CNTN5: variants seen among roughly 807,000 people sequenced by gnomAD.
CNTN5 encodes contactin 5.
Under a neutral mutation model 129.1 loss-of-function variants are expected in CNTN5, and 77 were observed. The observed-to-expected ratio is 0.60, with a 90% CI of 0.50 to 0.72. The LOEUF (loss-of-function observed/expected upper bound fraction) is 0.72. Ranked by LOEUF, CNTN5 falls within the 30% of genes least tolerant of loss-of-function variation. CNTN5 has a pLI of 0.00. For synonymous variants in CNTN5, 509 were observed against 465.6 expected (o/e 1.09, Z -1.20); for missense variants, 1,478 against 1,328.8 (o/e 1.11, Z -1.75).
At chr11:100,026,866 A>G (rs1941448536) in intron 9 of CNTN5, among the ~76,000 whole-genome samples, 1 of 152,046 alleles carries the variant, frequency 6.6e-6, no homozygotes, top group Non-Finnish European at 1.5e-5. Context: ...CGAAGCATAA[A>G]ATTTTAATTT....
intron 3 of CNTN5, among the ~76,000 whole-genome samples, chr11:99,743,502 A>G (rs544410851): frequency 6.6e-6 from 1 of 152,256 alleles, no homozygotes; most frequent in South Asian, 2.1e-4. Flanking sequence ...CCTGAATCTC[A>G]GTTTCTTTAC....
intron 3 of CNTN5, among the ~76,000 whole-genome samples, chr11:99,612,928 C>G (rs1591361164): frequency 6.6e-6 from 1 of 152,126 alleles, no homozygotes; most frequent in South Asian, 2.1e-4. Context: ...ACTGAGAGCA[C>G]TGGACCCAGA....
intron 3 of CNTN5, among the ~76,000 whole-genome samples, chr11:99,646,809 TAAA>T (rs5794011): frequency 9.1e-5 from 12 of 131,778 alleles, no homozygotes; most frequent in Middle Eastern, 3.9e-3. Context: ...TGTCAATTCT[TAAA>T]AAAAAAAAAA....
chr11:99,097,468 T>A (rs1866526268), intron 1 of CNTN5, among the ~76,000 whole-genome samples: 1 of 151,990 alleles, frequency 6.6e-6, no homozygotes. Flanking sequence ...CCATAAGGAT[T>A]TTTTTCTGTG....
At chr11:100,077,593 C>T (rs966329109) in intron 13 of CNTN5, among the ~76,000 whole-genome samples, 2 of 151,752 alleles carry the variant, frequency 1.3e-5, no homozygotes, top group South Asian at 2.1e-4. Flanking sequence ...GGCCAAGATG[C>T]GAGGATCACT....
At chr11:99,237,906 A>C in intron 1 of CNTN5, among the ~76,000 whole-genome samples, 1 of 152,308 alleles carries the variant, frequency 6.6e-6, no homozygotes, top group East Asian at 1.9e-4. Flanking sequence ...GGAAAAAGTC[A>C]ATGAAAATGA....
At chr11:100,293,692 G>C (rs138489986) in intron 18 of CNTN5, among the ~76,000 whole-genome samples, 1 of 151,826 alleles carries the variant, frequency 6.6e-6, no homozygotes, top group Non-Finnish European at 1.5e-5. Context: ...CAAGCAATTA[G>C]AGGGGTAGAA....
chr11:99,421,869 T>C, intron 2 of CNTN5, among the ~76,000 whole-genome samples: 1 of 152,194 alleles, frequency 6.6e-6, no homozygotes, highest in Non-Finnish European at 1.5e-5. Flanking sequence ...AAAATAGCTG[T>C]CTTACAAATC....
At chr11:99,725,087 G>A (rs770906660) in intron 3 of CNTN5, among the ~76,000 whole-genome samples, 1 of 152,142 alleles carries the variant, frequency 6.6e-6, no homozygotes, top group Non-Finnish European at 1.5e-5. Context: ...AAATACATCT[G>A]AATTTTCTAG....
intron 2 of CNTN5, among the ~76,000 whole-genome samples, chr11:99,517,431 T>C (rs1776042603): frequency 2.0e-5 from 3 of 152,056 alleles, no homozygotes; most frequent in South Asian, 2.1e-4. Flanking sequence ...CCATTTTTCA[T>C]AGGATGTACT....
At chr11:99,968,711 C>G (rs1477004789) in intron 8 of CNTN5, among the ~76,000 whole-genome samples, 1 of 119,432 alleles carries the variant, frequency 8.4e-6, no homozygotes, top group Non-Finnish European at 1.6e-5. Flanking sequence ...AGTGCTGCTC[C>G]TCGGGTACTG....
At chr11:99,860,847 A>C (rs1278276555) in intron 6 of CNTN5, among the ~76,000 whole-genome samples, 1 of 151,984 alleles carries the variant, frequency 6.6e-6, no homozygotes, top group Admixed American at 6.6e-5. Context: ...AAATGATACC[A>C]ATAGTTTGAT....
intron 3 of CNTN5, among the ~76,000 whole-genome samples, chr11:99,813,683 C>A (rs1946497291): frequency 6.6e-6 from 1 of 151,546 alleles, no homozygotes; most frequent in Non-Finnish European, 1.5e-5. Context: ...ATTGAGGAGA[C>A]AAAGAACTAG....
At chr11:99,839,739 G>A (rs972650027) in intron 4 of CNTN5, among the ~76,000 whole-genome samples, 2 of 152,020 alleles carry the variant, frequency 1.3e-5, no homozygotes, top group African/African-American at 2.4e-5. Context: ...GAGAAAAAAT[G>A]ATTAAAGAGT....
chr11:100,152,470 A>G (rs922188609), intron 13 of CNTN5, among the ~76,000 whole-genome samples: 1 of 152,138 alleles, frequency 6.6e-6, no homozygotes, highest in Non-Finnish European at 1.5e-5. Context: ...TATGCGTGAC[A>G]CAGAAGAAGT....
intron 3 of CNTN5, among the ~76,000 whole-genome samples, chr11:99,735,587 A>G (rs1943679150): frequency 6.6e-6 from 1 of 152,212 alleles, no homozygotes; most frequent in Non-Finnish European, 1.5e-5. Context: ...ATTAAATATT[A>G]TTTTAGTAGA....
At chr11:99,173,060 T>C (rs1490726565) in intron 1 of CNTN5, among the ~76,000 whole-genome samples, 3 of 152,148 alleles carry the variant, frequency 2.0e-5, no homozygotes, top group Non-Finnish European at 4.4e-5. Flanking sequence ...CTCCCATTTT[T>C]AAAACCATCA....
intron 1 of CNTN5, among the ~76,000 whole-genome samples, chr11:99,074,954 G>A (rs189026118): frequency 2.1e-4 from 32 of 152,244 alleles, no homozygotes; most frequent in African/African-American, 7.0e-4. Flanking sequence ...GAAAAATAGC[G>A]AGGATATTGT....
chr11:99,227,453 A>G (rs982981908), intron 1 of CNTN5, among the ~76,000 whole-genome samples: 1 of 152,132 alleles, frequency 6.6e-6, no homozygotes, highest in African/African-American at 2.4e-5. Flanking sequence ...ATTATGTTAG[A>G]AACAAAGCTA....
Sources: gnomAD v4.1 joint callset for allele counts (sites outside exome capture counted in the v4.1 genomes callset) on GRCh38, gnomAD v4.1.1 for gene constraint, MANE v1.5 for transcripts, NCBI Gene and HGNC (gene_info 2026-07-23, HGNC 2026-07-21) for gene names.